The following KCNH7 variants were observed in gnomAD, a reference collection of about 807,000 sequenced individuals.
The protein encoded by KCNH7 is voltage-gated inwardly rectifying potassium channel KCNH7.
In KCNH7, 49 loss-of-function variants were observed where a neutral mutation model predicts 120.8. That is an observed-to-expected ratio of 0.41 (90% CI 0.32 to 0.51). The LOEUF (loss-of-function observed/expected upper bound fraction) is 0.51. KCNH7 is among the 20% of genes least tolerant of loss of function. KCNH7 has a pLI of 0.38. For synonymous variants in KCNH7, 547 were observed against 516.1 expected, an observed-to-expected ratio of 1.06 and a Z score of -0.81; for missense variants, 1,097 against 1,446.6, an observed-to-expected ratio of 0.76 and a Z score of 3.92.
At chr2:162,375,008 C>G (rs907762519) in intron 14 of KCNH7, among the ~76,000 whole-genome samples, 2 of 152,152 alleles carry the variant, frequency 1.3e-5, no homozygotes, top group African/African-American at 4.8e-5. Context: ...CATTATTTCA[C>G]TGTTATGTGT....
At chr2:162,494,835 G>A (rs558997735) in intron 6 of KCNH7, among the ~76,000 whole-genome samples, 2 of 152,246 alleles carry the variant, frequency 1.3e-5, no homozygotes, top group East Asian at 3.9e-4. Context: ...ATAAAGAGCT[G>A]AAATGCTCAT....
At chr2:162,448,666 G>A (rs1688667175) in intron 6 of KCNH7, among the ~76,000 whole-genome samples, 5 of 152,088 alleles carry the variant, frequency 3.3e-5, no homozygotes, top group Admixed American at 3.3e-4. Context: ...TCTTTTAGCA[G>A]AAGTATGAAT....
chr2:162,778,791 A>G (rs1427189930), intron 2 of KCNH7, among the ~76,000 whole-genome samples: 1 of 152,216 alleles, frequency 6.6e-6, no homozygotes, highest in Non-Finnish European at 1.5e-5. Flanking sequence ...AAACTAATGT[A>G]CATACTATCA....
At chr2:162,518,702 G>A (rs1691407179) in intron 3 of KCNH7, among the ~76,000 whole-genome samples, 1 of 151,650 alleles carries the variant, frequency 6.6e-6, no homozygotes, top group African/African-American at 2.4e-5. Flanking sequence ...GGGAAAAGTG[G>A]GGTCAACTGT....
intron 2 of KCNH7, among the ~76,000 whole-genome samples, chr2:162,613,049 A>G (rs542877186): frequency 3.3e-5 from 5 of 152,108 alleles, no homozygotes; most frequent in Admixed American, 3.3e-4. Context: ...CTATATAATG[A>G]CAGAAAGTAG....
At chr2:162,747,284 G>A (rs2105422374) in intron 2 of KCNH7, among the ~76,000 whole-genome samples, 1 of 152,172 alleles carries the variant, frequency 6.6e-6, no homozygotes, top group African/African-American at 2.4e-5. Flanking sequence ...TTTAAATGGG[G>A]GTTAGGTTTT....
At chr2:162,766,609 C>T (rs1682819507) in intron 2 of KCNH7, among the ~76,000 whole-genome samples, 1 of 151,864 alleles carries the variant, frequency 6.6e-6, no homozygotes, top group Admixed American at 6.6e-5. Context: ...TTTTTCTTTA[C>T]ATCTATGCTA....
chr2:162,518,327 G>A (rs984905878), intron 3 of KCNH7, among the ~76,000 whole-genome samples, 169 bp from the exon 4 acceptor site: 3 of 151,822 alleles, frequency 2.0e-5, no homozygotes, highest in African/African-American at 7.2e-5. Flanking sequence ...CCAATGTGAA[G>A]TATGATATAA....
chr2:162,473,238 TA>T (rs1046769015), intron 6 of KCNH7, among the ~76,000 whole-genome samples: 1 of 147,720 alleles, frequency 6.8e-6, no homozygotes, highest in Non-Finnish European at 1.5e-5. Context: ...TAAATAAAAA[TA>T]AAAAATAAAA....
chr2:162,692,002 AT>A (rs1686126656), intron 2 of KCNH7, among the ~76,000 whole-genome samples: 1 of 152,160 alleles, frequency 6.6e-6, no homozygotes, highest in Non-Finnish European at 1.5e-5. Flanking sequence ...CTGCTGATCT[AT>A]TGGTACCATA....
At chr2:162,673,264 T>C (rs746706672) in intron 2 of KCNH7, among the ~76,000 whole-genome samples, 2 of 152,060 alleles carry the variant, frequency 1.3e-5, no homozygotes, top group African/African-American at 2.4e-5. Flanking sequence ...CTCATGGATA[T>C]ATGGTTTTAT....
At chr2:162,807,272 A>AAAAAAAAAAAAAC (rs1559143065) in intron 2 of KCNH7, among the ~76,000 whole-genome samples, 2 of 119,020 alleles carry the variant, frequency 1.7e-5, no homozygotes, top group East Asian at 2.6e-4. Context: ...AAAAAAAAAA[A>AAAAAAAAAAAAAC]AAAAAAAAAA....
At chr2:162,452,862 T>C (rs1573975318) in intron 6 of KCNH7, among the ~76,000 whole-genome samples, 2 of 152,230 alleles carry the variant, frequency 1.3e-5, no homozygotes, top group Non-Finnish European at 1.5e-5. Flanking sequence ...ATATTTGCAT[T>C]ACATATTTCT....
intron 2 of KCNH7, among the ~76,000 whole-genome samples, chr2:162,701,818 T>A (rs569947596): frequency 6.6e-6 from 1 of 152,136 alleles, no homozygotes; most frequent in South Asian, 2.1e-4. Flanking sequence ...ACCAACCTGG[T>A]CAGCATGGTG....
At chr2:162,492,763 T>A (rs1263497787) in intron 6 of KCNH7, among the ~76,000 whole-genome samples, 1 of 151,890 alleles carries the variant, frequency 6.6e-6, no homozygotes, top group Non-Finnish European at 1.5e-5. Flanking sequence ...TAATAAGGAA[T>A]TTAAAAGGAT....
At chr2:162,558,094 G>A (rs900297581) in intron 2 of KCNH7, among the ~76,000 whole-genome samples, 5 of 151,704 alleles carry the variant, frequency 3.3e-5, no homozygotes, top group African/African-American at 1.2e-4. Flanking sequence ...GAAAACTAAG[G>A]AATAAGTCAG....
In KCNH7 at chr2:162,512,163, T is replaced by C. The variant is rs1196431883; in HGVS notation, c.913+491A>G. Among the ~76,000 whole-genome samples, 5 of 151,926 alleles carry C rather than the reference T, an allele frequency of 3.3e-5. No individual in the cohort carries two copies. In the East Asian group the frequency reaches 9.8e-4, roughly 30 times the overall value. On this transcript the variant is annotated intron_variant, in intron 5 of 15. Transcript: ENST00000332142. ...AAAAATAGAAAACAACTGTCATGCA[T>C]ATATAGTTTACTACTACAGTAAGCT...
chr2:162,615,412 C>T (rs1275214066), intron 2 of KCNH7, among the ~76,000 whole-genome samples: 3 of 152,122 alleles, frequency 2.0e-5, no homozygotes, highest in African/African-American at 7.2e-5. Flanking sequence ...AAGGACAAGA[C>T]ATTAAAAATA....
At chr2:162,373,220 A>T (rs555999285) in intron 15 of KCNH7, among the ~76,000 whole-genome samples, 12 of 147,128 alleles carry the variant, frequency 8.2e-5, no homozygotes, top group African/African-American at 1.8e-4. Flanking sequence ...TTTTCCTTTT[A>T]AAAAAAATGC....
Sources: gnomAD v4.1 joint callset for allele counts (sites outside exome capture counted in the v4.1 genomes callset) on GRCh38, gnomAD v4.1.1 for gene constraint, MANE v1.5 for transcripts, NCBI Gene and HGNC (gene_info 2026-07-23, HGNC 2026-07-21) for gene names.